Variants in ATXN1 observed in about 807,000 individuals in gnomAD.
ATXN1 encodes ataxin 1.
Under a neutral mutation model 56.4 loss-of-function variants are expected in ATXN1, and 8 were observed. That is an observed-to-expected ratio of 0.14 (90% confidence interval 0.08 to 0.26). ATXN1 has a LOEUF of 0.26. Ranked by LOEUF, ATXN1 falls within the 10% of genes least tolerant of loss-of-function variation. The pLI, the probability that ATXN1 is intolerant of heterozygous loss-of-function variation, is 1.00. For missense variants in ATXN1, 987 were observed against 1,106.5 expected (o/e 0.89, Z 1.53); for synonymous variants, 514 against 494.6 (o/e 1.04, Z -0.52).
In ATXN1 at chr6:16,610,424, G is replaced by T. The variant is rs80161311; in HGVS notation, c.-488-24517C>A. Among the ~76,000 whole-genome samples the T allele has an allele frequency of 4.7e-3, 712 of 152,008 alleles. 6 individuals are homozygous for T. Among genetic ancestry groups the T allele is most frequent in the East Asian group, 0.034 (177 of 5,174 alleles). ...TCAAAACAACTCATAAGCATTCAGT[G>T]AGGAGGAAAAGAAATACAGGTAACC... On this transcript the variant is annotated intron_variant, in intron 3 of 7. Coordinates refer to ENST00000436367, the MANE Select transcript of ATXN1 (RefSeq NM_001128164.2).
At chr6:16,467,564 AT>A (rs1192087596) in intron 6 of ATXN1, among the ~76,000 whole-genome samples, 1 of 152,232 alleles carries the variant, frequency 6.6e-6, no homozygotes, top group African/African-American at 2.4e-5. Context: ...TAAAGACTCT[AT>A]CTACCATCTT....
rs565667475 is a variant in ATXN1 at position 16,483,830 on chromosome 6, C to A, written c.-161+2142G>T. Among the ~76,000 whole-genome samples the A allele has an allele frequency of 3.9e-5, 6 of 152,320 alleles. No homozygotes were observed. The East Asian group carries it at 1.2e-3, about 29-fold the overall frequency. ...ACAAAAGCTATCTTGATTATGGTAACTGCATGAGTTATTTAAATAGAGCCT... is the reference window on the plus strand; with the variant it reads ...ACAAAAGCTATCTTGATTATGGTAAATGCATGAGTTATTTAAATAGAGCCT... On this transcript the variant is annotated intron_variant, in intron 6 of 7. Transcript: ENST00000436367.
At chr6:16,556,354 C>G (rs550561732) in intron 4 of ATXN1, among the ~76,000 whole-genome samples, 85 of 152,144 alleles carry the variant, frequency 5.6e-4, no homozygotes, top group Non-Finnish European at 1.0e-3. Flanking sequence ...TTAGCAAAAG[C>G]CTTTACTACA....
chr6:16,526,689 C>T (rs1252858431), intron 4 of ATXN1, among the ~76,000 whole-genome samples: 6 of 149,254 alleles, frequency 4.0e-5, no homozygotes, highest in African/African-American at 1.2e-4. Context: ...CACTTGAACC[C>T]GGGAGGTGGA....
At chr6:16,507,981 T>C (rs895994357) in intron 5 of ATXN1, among the ~76,000 whole-genome samples, 1 of 152,238 alleles carries the variant, frequency 6.6e-6, no homozygotes, top group South Asian at 2.1e-4. Context: ...CTTAATAATA[T>C]GGTTTAGGAT....
intron 2 of ATXN1, among the ~76,000 whole-genome samples, chr6:16,682,945 C>G (rs1353161833): frequency 6.6e-6 from 1 of 152,142 alleles, no homozygotes; most frequent in Non-Finnish European, 1.5e-5. Flanking sequence ...CTTGGAATGA[C>G]AGTTATTTTT....
At chr6:16,504,993 CTTTT>C (rs34197922) in intron 5 of ATXN1, among the ~76,000 whole-genome samples, 1 of 135,310 alleles carries the variant, frequency 7.4e-6, no homozygotes, top group Non-Finnish European at 1.6e-5. Flanking sequence ...CTCCTGTTTC[CTTTT>C]TTTTTTTTTT....
intron 4 of ATXN1, among the ~76,000 whole-genome samples, chr6:16,540,289 G>T (rs1244045407): frequency 6.6e-6 from 1 of 150,758 alleles, no homozygotes; most frequent in Admixed American, 6.6e-5. Flanking sequence ...TCGGCTCAAT[G>T]CAACCTCCGC....
chr6:16,467,346 T>C (rs1188134209), intron 6 of ATXN1, among the ~76,000 whole-genome samples: 7 of 152,264 alleles, frequency 4.6e-5, no homozygotes, highest in Non-Finnish European at 1.0e-4. Context: ...GGAGTTAGCA[T>C]GAAGCGTGGT....
At chr6:16,401,059 T>C (rs1368628849) in intron 6 of ATXN1, among the ~76,000 whole-genome samples, 1 of 152,254 alleles carries the variant, frequency 6.6e-6, no homozygotes, top group Non-Finnish European at 1.5e-5. Flanking sequence ...TATTTTAAAG[T>C]GTCCAGTGTC....
intron 3 of ATXN1, among the ~76,000 whole-genome samples, chr6:16,597,235 C>T (rs1413602309): frequency 2.6e-5 from 4 of 152,206 alleles, no homozygotes; most frequent in South Asian, 2.1e-4. Context: ...AAGGGAACCT[C>T]GTCAGCCGCA....
At chr6:16,404,531 G>A (rs755998738) in intron 6 of ATXN1, among the ~76,000 whole-genome samples, 2 of 152,116 alleles carry the variant, frequency 1.3e-5, no homozygotes, top group Non-Finnish European at 2.9e-5. Flanking sequence ...GCTGAGTGAG[G>A]GGGCATTTTG....
At chr6:16,447,030 C>G (rs1401113730) in intron 6 of ATXN1, among the ~76,000 whole-genome samples, 8 of 152,100 alleles carry the variant, frequency 5.3e-5, no homozygotes, top group Non-Finnish European at 1.5e-5. Flanking sequence ...CACTATTTTC[C>G]AAAAAGAATG....
chr6:16,654,228 A>C (rs905849812), intron 3 of ATXN1, among the ~76,000 whole-genome samples: 3 of 152,150 alleles, frequency 2.0e-5, no homozygotes, highest in Non-Finnish European at 4.4e-5. Context: ...AGCAGGCCCT[A>C]AATGTGATAG....
intron 6 of ATXN1, among the ~76,000 whole-genome samples, chr6:16,398,251 G>A (rs1050359972): frequency 3.3e-5 from 5 of 152,088 alleles, no homozygotes; most frequent in African/African-American, 7.2e-5. Context: ...CTGCTGCAAC[G>A]TCTTAGATAA....
At chr6:16,561,115 T>C (rs1049832678) in intron 4 of ATXN1, among the ~76,000 whole-genome samples, 1 of 152,158 alleles carries the variant, frequency 6.6e-6, no homozygotes, top group Middle Eastern at 3.4e-3. Flanking sequence ...CCTACCCAGA[T>C]GACCTTCGGA....
intron 4 of ATXN1, among the ~76,000 whole-genome samples, chr6:16,582,342 C>T (rs1188518809): frequency 2.6e-5 from 4 of 152,150 alleles, no homozygotes; most frequent in African/African-American, 9.7e-5. Context: ...TCTTGTTTTC[C>T]TCCATTATCT....
intron 2 of ATXN1, among the ~76,000 whole-genome samples, chr6:16,723,605 G>T (rs1431973118): frequency 6.6e-6 from 1 of 151,766 alleles, no homozygotes; most frequent in Non-Finnish European, 1.5e-5. Flanking sequence ...CAAATTCCCT[G>T]CATTCAACAG....
At position 16,707,056 on chromosome 6, in the gene ATXN1, T is replaced by A. The variant is rs1759424734; in HGVS notation, c.-615+46177A>T. On this transcript the variant is annotated intron_variant, in intron 2 of 7. Transcript: ENST00000436367. Reference sequence around the variant, plus strand: ...AGATGAAGAAATGAAATAATTACATTTCTAACCACCCTGCCACCAAGAAAA... The same window carrying A: ...AGATGAAGAAATGAAATAATTACATATCTAACCACCCTGCCACCAAGAAAA... Among the ~76,000 whole-genome samples, 6 of 152,180 alleles carry A rather than the reference T, an allele frequency of 3.9e-5. 1 individual carries two copies. Among genetic ancestry groups the A allele is most frequent in the Admixed American group, 3.9e-4 (6 of 15,278 alleles).
Sources: allele counts gnomAD v4.1 joint callset (sites outside exome capture counted in the v4.1 genomes callset), GRCh38; gene constraint gnomAD v4.1.1; transcripts MANE v1.5; gene names NCBI Gene and HGNC (gene_info 2026-07-23, HGNC 2026-07-21).